CHL1: variants seen among roughly 807,000 people sequenced by gnomAD.
The protein encoded by CHL1 is cell adhesion molecule L1 like.
In CHL1, 96 loss-of-function variants were observed where a neutral mutation model predicts 141.9. The ratio of observed to expected loss-of-function variants is 0.68; its 90% confidence interval spans 0.57 to 0.80. The LOEUF is 0.80. Ranked by LOEUF, CHL1 falls within the 30% of genes least tolerant of loss-of-function variation. The probability of loss-of-function intolerance (pLI) is 0.00; values close to 1 mark genes in which losing one functional copy is unlikely to be tolerated. For synonymous variants in CHL1, 613 were observed against 502.2 expected (o/e 1.22, Z -2.95); for missense variants, 1,820 against 1,457.2 (o/e 1.25, Z -4.05).
rs180912178 is a variant in CHL1 at position 364,296 on chromosome 3, A to C, written c.1585+913A>C. Among the ~76,000 whole-genome samples the C allele has an allele frequency of 5.8e-4, 89 of 152,286 alleles. 1 individual carries two copies. Among genetic ancestry groups the C allele is most frequent in the African/African-American group, 1.9e-3 (81 of 41,560 alleles). ...TTAAAGCACTCAAATACTCTCCCAC[A>C]ATATCTACTTATCTCTGATGTCTTT... On this transcript the variant is annotated intron_variant, in intron 14 of 27. Coordinates refer to ENST00000256509, the MANE Select transcript of CHL1 (RefSeq NM_006614.4).
At chr3:333,122 C>CTCTTTTTTTTTT (rs1383301108) in intron 5 of CHL1, among the ~76,000 whole-genome samples, 1 of 14,308 alleles carries the variant, frequency 7.0e-5, no homozygotes, top group Non-Finnish European at 2.5e-4. Flanking sequence ...GATAATTGCT[C>CTCTTTTTTTTTT]TATTTTTTTT....
intron 23 of CHL1, among the ~76,000 whole-genome samples, chr3:394,252 A>C (rs1708483736): frequency 6.6e-6 from 1 of 152,210 alleles, no homozygotes; most frequent in Non-Finnish European, 1.5e-5. Flanking sequence ...ACCATAGAAG[A>C]CACAAATAAA....
At chr3:220,855 G>C (rs1231645877) in intron 1 of CHL1, among the ~76,000 whole-genome samples, 1 of 152,198 alleles carries the variant, frequency 6.6e-6, no homozygotes, top group Non-Finnish European at 1.5e-5. Context: ...TTTCACATCA[G>C]CTAGTAAAGT....
At chr3:198,628 T>G (rs1698630356) in intron 1 of CHL1, among the ~76,000 whole-genome samples, 1 of 152,234 alleles carries the variant, frequency 6.6e-6, no homozygotes, top group Non-Finnish European at 1.5e-5. Flanking sequence ...TTTAACACCA[T>G]AGATTTTTAA....
intron 10 of CHL1, among the ~76,000 whole-genome samples, chr3:353,158 T>C (rs961911848): frequency 6.6e-6 from 1 of 152,212 alleles, no homozygotes; most frequent in African/African-American, 2.4e-5. Flanking sequence ...GTAAATATCC[T>C]AATGGCAATA....
intron 26 of CHL1, among the ~76,000 whole-genome samples, chr3:401,328 CAGTT>C (rs1417950349): frequency 1.3e-5 from 2 of 152,172 alleles, no homozygotes; most frequent in East Asian, 1.9e-4. Flanking sequence ...AAATCAAACT[CAGTT>C]GGGCTCTTCC....
At chr3:394,419 G>C (rs1575282010) in intron 23 of CHL1, among the ~76,000 whole-genome samples, 1 of 152,246 alleles carries the variant, frequency 6.6e-6, no homozygotes, top group African/African-American at 2.4e-5. Context: ...ACGTTTCTCT[G>C]GGGTCAAAAG....
At chr3:240,758 G>A (rs1429751166) in intron 1 of CHL1, among the ~76,000 whole-genome samples, 2 of 138,830 alleles carry the variant, frequency 1.4e-5, no homozygotes, top group African/African-American at 5.0e-5. Flanking sequence ...GATCCCTCTT[G>A]AGTTGATTTT....
chr3:239,844 T>A (rs1559319941), intron 1 of CHL1, among the ~76,000 whole-genome samples: 1 of 152,012 alleles, frequency 6.6e-6, no homozygotes, highest in African/African-American at 2.4e-5. Context: ...GAACATAGGA[T>A]TTTTGGTTTT....
At chr3:210,442 C>T (rs1424401046) in intron 1 of CHL1, among the ~76,000 whole-genome samples, 1 of 152,146 alleles carries the variant, frequency 6.6e-6, no homozygotes, top group African/African-American at 2.4e-5. Flanking sequence ...GGATGGCTTC[C>T]CTCACATGAC....
intron 2 of CHL1, among the ~76,000 whole-genome samples, chr3:252,274 T>C (rs1693753978): frequency 6.7e-6 from 1 of 149,278 alleles, no homozygotes; most frequent in Admixed American, 6.7e-5. Flanking sequence ...TTACTATTGT[T>C]TTAGCTATAC....
chr3:368,386 T>A (rs950379813), intron 15 of CHL1, among the ~76,000 whole-genome samples: 23 of 152,220 alleles, frequency 1.5e-4, no homozygotes, highest in African/African-American at 5.1e-4. Flanking sequence ...GTTGGCCATG[T>A]AAATGTCTTC....
intron 2 of CHL1, among the ~76,000 whole-genome samples, chr3:251,770 T>A (rs972593065): frequency 1.3e-5 from 2 of 152,154 alleles, no homozygotes; most frequent in African/African-American, 4.8e-5. Context: ...TACTTATATT[T>A]CTTTAATCCA....
At chr3:222,985 C>T (rs994382288) in intron 1 of CHL1, among the ~76,000 whole-genome samples, 2 of 152,162 alleles carry the variant, frequency 1.3e-5, no homozygotes, top group African/African-American at 4.8e-5. Flanking sequence ...TTCTGACCCT[C>T]CAGCTTCTCT....
chr3:360,264 C>G lies in CHL1; in HGVS notation c.1166-20C>G. 6.2e-7 allele frequency: 1 copy of G among 1,612,380 alleles called. No homozygotes were observed. Among genetic ancestry groups the G allele is most frequent in the South Asian group, 1.1e-5 (1 of 90,872 alleles). ...TATGTCCTGTTCCTTATCAAACTGA[C>G]ATTCTTTAATCTCTTTCAGATCATC... On this transcript the variant is annotated intron_variant, in intron 11 of 27. Coordinates refer to ENST00000256509, the MANE Select transcript of CHL1 (RefSeq NM_006614.4).
chr3:377,211 A>T (rs966184349), intron 15 of CHL1, among the ~76,000 whole-genome samples: 1 of 152,206 alleles, frequency 6.6e-6, no homozygotes, highest in Non-Finnish European at 1.5e-5. Context: ...CAAATGATAA[A>T]AAGTGAGGTG....
intron 23 of CHL1, 124 bp downstream of exon 23, chr3:391,921 T>C (rs1575274439): frequency 5.3e-6 from 4 of 750,532 alleles, no homozygotes; most frequent in East Asian, 6.0e-5. Flanking sequence ...CCGTTCTTCC[T>C]TGTAGCCCAG....
rs188399103 is a variant in CHL1, at chr3:361,678, G to T, written c.1307-21G>T. ...TTCTTCCACAAAAGTTTAAAACTGC[G>T]TTTATGTTATTTTCAAATAGATGTC... On this transcript the variant is annotated intron_variant, in intron 12 of 27. Coordinates refer to ENST00000256509, the MANE Select transcript of CHL1 (RefSeq NM_006614.4). The T allele has an allele frequency of 1.9e-6, 3 of 1,549,460 alleles. No homozygotes were observed. In the Admixed American group the frequency reaches 5.0e-5, roughly 26 times the overall value.
At chr3:305,429 T>C (rs1025855699) in intron 2 of CHL1, among the ~76,000 whole-genome samples, 2 of 152,034 alleles carry the variant, frequency 1.3e-5, no homozygotes, top group Non-Finnish European at 2.9e-5. Flanking sequence ...TTAAGAACGC[T>C]TGCATTACTG....
Sources: gnomAD v4.1 joint callset for allele counts (sites outside exome capture counted in the v4.1 genomes callset) on GRCh38, gnomAD v4.1.1 for gene constraint, MANE v1.5 for transcripts, NCBI Gene and HGNC (gene_info 2026-07-23, HGNC 2026-07-21) for gene names.